Variants in AGAP1 observed in about 807,000 individuals in gnomAD.
The protein encoded by AGAP1 is ArfGAP with GTPase domain, ankyrin repeat and PH domain 1, also known as arf-GAP with GTPase, ANK repeat and PH domain-containing protein 1.
Under a neutral mutation model 105.3 loss-of-function variants are expected in AGAP1, and 29 were observed. The observed-to-expected ratio is 0.28, with a 90% CI of 0.21 to 0.38. The LOEUF is 0.38. AGAP1 is among the 10% of genes least tolerant of loss of function. The pLI, the probability that AGAP1 is intolerant of heterozygous loss-of-function variation, is 1.00. For missense variants in AGAP1, 998 were observed against 1,165.1 expected, an observed-to-expected ratio of 0.86 and a Z score of 2.09; for synonymous variants, 509 against 485.9, an observed-to-expected ratio of 1.05 and a Z score of -0.63.
intron 11 of AGAP1, among the ~76,000 whole-genome samples, chr2:235,912,747 T>A (rs916409165): frequency 6.6e-6 from 1 of 152,244 alleles, no homozygotes; most frequent in Non-Finnish European, 1.5e-5. Flanking sequence ...ATGAAAACTC[T>A]TCCCATCCAT....
At chr2:235,974,065 G>T (rs114715296) in intron 13 of AGAP1, among the ~76,000 whole-genome samples, 1 of 152,308 alleles carries the variant, frequency 6.6e-6, no homozygotes, top group African/African-American at 2.4e-5. Context: ...CCCCGAACCT[G>T]GTGGTTCTCG....
chr2:235,560,138 G>C (rs891386717), intron 1 of AGAP1, among the ~76,000 whole-genome samples: 1 of 152,076 alleles, frequency 6.6e-6, no homozygotes, highest in Non-Finnish European at 1.5e-5. Context: ...TTAGGTCTTT[G>C]ATTTTGAGTT....
In AGAP1 at chr2:235,614,529, G is replaced by T. The variant is rs964378893; in HGVS notation, c.164-94650G>T. Among the ~76,000 whole-genome samples the T allele has an allele frequency of 6.6e-6, 1 of 152,194 alleles. No individual in the cohort carries two copies. The highest frequency in any genetic ancestry group is 2.4e-5 in the African/African-American group (1 of 41,448). On this transcript the variant is annotated intron_variant, in intron 1 of 17. Coordinates refer to ENST00000304032, the MANE Select transcript of AGAP1 (RefSeq NM_001037131.3). The surrounding 1 kb of genome is among the most constrained non-coding windows in gnomAD (Gnocchi z 4.7). ...CGAGGGGTGGGGGCTTTGCTCTTTAGCCCGTGAGCAGTGGAAAGTCATTGA... is the reference window on the plus strand; with the variant it reads ...CGAGGGGTGGGGGCTTTGCTCTTTATCCCGTGAGCAGTGGAAAGTCATTGA...
At chr2:235,836,138 ATT>A (rs1960126471) in intron 9 of AGAP1, among the ~76,000 whole-genome samples, 1 of 152,184 alleles carries the variant, frequency 6.6e-6, no homozygotes, top group African/African-American at 2.4e-5. Flanking sequence ...TAACAAATTG[ATT>A]TACATAGTGG....
chr2:235,770,154 G>A (rs1955318975), intron 6 of AGAP1, among the ~76,000 whole-genome samples: 1 of 94,064 alleles, frequency 1.1e-5, no homozygotes, highest in African/African-American at 3.1e-5. Flanking sequence ...TTGAGACGGA[G>A]TCTCACTGTA....
rs1329738051 is a variant in AGAP1 at position 235,832,864 on chromosome 2, G to A, written c.1050+25533G>A. ...TACCATGTGTGTGAGAGAGAGGGTG[G>A]GAGAGCCTAGCTGCCAGAAGGAGGC... is the stretch of plus-strand genomic sequence containing the variant. On this transcript the variant is annotated intron_variant, in intron 9 of 17. Coordinates refer to ENST00000304032, the MANE Select transcript of AGAP1 (RefSeq NM_001037131.3). Among the ~76,000 whole-genome samples, 5 of 152,194 alleles carry A rather than the reference G, an allele frequency of 3.3e-5. No individual in the cohort carries two copies. In the East Asian group the frequency reaches 9.6e-4, roughly 29 times the overall value.
At position 235,494,666 on chromosome 2, in the gene AGAP1, T is replaced by C. The variant is rs1304610573; in HGVS notation, c.-21T>C. 3.6e-5 allele frequency: 38 copies of C among 1,065,888 alleles called. No individual in the cohort carries two copies. Among genetic ancestry groups the C allele is most frequent in the Non-Finnish European group, 4.6e-5 (38 of 827,356 alleles). The allele number at this position is 1,065,888 out of a possible 1,614,324, so 66.0% of individuals were successfully genotyped here. ...GCGGCGGCGGCGGGGGGCGCGCGGC[T>C]CCGGGCGCGGCGCCTGCACCATGAA... On this transcript the variant is annotated 5_prime_UTR_variant, in exon 1 of 18. Transcript: ENST00000304032.
rs915989901 is a variant in AGAP1 at position 235,741,176 on chromosome 2, C to T, written c.396+128C>T. ...GTGGAAACCCCATAAAAAATGTTTC[C>T]TCTCACTGCATTTTTTTCTCATCTC... On this transcript the variant is annotated intron_variant, in intron 4 of 17. Coordinates refer to ENST00000304032, the MANE Select transcript of AGAP1 (RefSeq NM_001037131.3). This position sits in a 1 kb window ranked among gnomAD's most constrained non-coding sequence, Gnocchi z 4.9. 3.0e-6 allele frequency: 2 copies of T among 667,992 alleles called. No homozygotes were observed. Among genetic ancestry groups the T allele is most frequent in the Non-Finnish European group, 4.7e-6 (2 of 426,550 alleles). 41.4% of individuals were successfully genotyped at this position (667,992 alleles called of 1,614,324 possible).
At position 236,124,624 on chromosome 2, in the gene AGAP1, A is replaced by G. The variant is rs906885119; in HGVS notation, c.*502A>G. On this transcript the variant is annotated 3_prime_UTR_variant, in exon 18 of 18. Transcript: ENST00000304032. This position sits in a 1 kb window ranked among gnomAD's most constrained non-coding sequence, Gnocchi z 5.1. ...AGAGTTTGTCAGGTTTGAAGCCCCT[A>G]TGATGGTGTGTGTCAAATCAGTTGT... The G allele has an allele frequency of 3.2e-5, 6 of 189,454 alleles. No homozygotes were observed. Among genetic ancestry groups the G allele is most frequent in the African/African-American group, 9.5e-5 (4 of 42,324 alleles). The allele number at this position is 189,454 out of a possible 1,614,324, so 11.7% of individuals were successfully genotyped here. A position where few individuals can be genotyped will look rare whatever the true frequency, so the allele number is the denominator to read the frequency against.
Position 235,866,993 on chromosome 2 carries a change from G to A in AGAP1, c.1051-16352G>A, listed in dbSNP as rs2049200893. ...TCTGAATTAGGGAGTGGAGCACAAT[G>A]CAGCCCATAATAGTCATCGTCTAAG... On this transcript the variant is annotated intron_variant, in intron 9 of 17. Coordinates refer to ENST00000304032, the MANE Select transcript of AGAP1 (RefSeq NM_001037131.3). The surrounding 1 kb of genome is among the most constrained non-coding windows in gnomAD (Gnocchi z 6.1). 6.6e-6 allele frequency among the ~76,000 whole-genome samples: 1 copy of A among 152,200 alleles called. No individual in the cohort carries two copies. The highest frequency in any genetic ancestry group is 6.5e-5 in the Admixed American group (1 of 15,284).
chr2:235,895,750 A>ATGG (rs1403050664), intron 10 of AGAP1, among the ~76,000 whole-genome samples: 16,341 of 82,962 alleles, frequency 0.2, 1,112 homozygotes, highest in Admixed American at 0.27. Context: ...TGGATGGATG[A>ATGG]ATGGAGGCAC....
At position 235,793,255 on chromosome 2, in the gene AGAP1, G is replaced by A. The variant is rs1324375106; in HGVS notation, c.674-4504G>A. ...ATCCCCGGGCTTTCCAGAAGGCCTG[G>A]CTGGGAATGGGGCGTGGCACACGGT... On this transcript the variant is annotated intron_variant, in intron 6 of 17. Transcript: ENST00000304032. The surrounding 1 kb of genome is among the most constrained non-coding windows in gnomAD (Gnocchi z 5.3). Among the ~76,000 whole-genome samples, 1 of 152,206 alleles carries A rather than the reference G, an allele frequency of 6.6e-6. No homozygotes were observed. Among genetic ancestry groups the A allele is most frequent in the African/African-American group, 2.4e-5 (1 of 41,470 alleles).
In AGAP1 at chr2:236,036,662, A is replaced by C. The variant is rs2057391479; in HGVS notation, c.1747A>C (p.Ile583Leu). The change falls in exon 14 of 18, where the codon ATC (isoleucine) becomes CTC (leucine). Residue 583 changes from isoleucine to leucine, a missense_variant. Around this residue, in one of 3 missense-constraint regions of AGAP1, gnomAD observed 735 missense variants for 833.4 expected, o/e 0.88. Coordinates refer to ENST00000304032, the MANE Select transcript of AGAP1 (RefSeq NM_001037131.3). This position sits in a 1 kb window ranked among gnomAD's most constrained non-coding sequence, Gnocchi z 5.7. ...YEERDAWVQA[I>L]ESQILASLQS... ...GGAGCGGGACGCCTGGGTCCAAGCC[A>C]TCGAGAGCCAGATCCTGGCCAGCCT... is the stretch of plus-strand genomic sequence containing the variant. The C allele has an allele frequency of 4.3e-6, 7 of 1,614,114 alleles. No homozygotes were observed. Among genetic ancestry groups the C allele is most frequent in the African/African-American group, 1.3e-5 (1 of 74,946 alleles).
At position 236,056,511 on chromosome 2, in the gene AGAP1, G is replaced by A. The variant is rs959435277; in HGVS notation, c.2114+7230G>A. On this transcript the variant is annotated intron_variant, in intron 16 of 17. Transcript: ENST00000304032. The surrounding 1 kb of genome is among the most constrained non-coding windows in gnomAD (Gnocchi z 4.6). Reference sequence around the variant, plus strand: ...CGTTCAAGCCTGTGTCTACTTGTGGGAGTGTATGAAGGAATGGAATGGGAA... The same window carrying A: ...CGTTCAAGCCTGTGTCTACTTGTGGAAGTGTATGAAGGAATGGAATGGGAA... 2.6e-5 allele frequency among the ~76,000 whole-genome samples: 4 copies of A among 152,204 alleles called. No individual in the cohort carries two copies. Among genetic ancestry groups the A allele is most frequent in the Admixed American group, 2.6e-4 (4 of 15,282 alleles).
At position 235,872,776 on chromosome 2, in the gene AGAP1, C is replaced by T. The variant is rs920070365; in HGVS notation, c.1051-10569C>T. ...AAAGCGACGGGCCCCCTGTCTTCCCCGATTGGTTTCCATTTAGCTGCTGCA... is the reference window on the plus strand; with the variant it reads ...AAAGCGACGGGCCCCCTGTCTTCCCTGATTGGTTTCCATTTAGCTGCTGCA... On this transcript the variant is annotated intron_variant, in intron 9 of 17. Transcript: ENST00000304032. The surrounding 1 kb of genome is among the most constrained non-coding windows in gnomAD (Gnocchi z 4.5). Among the ~76,000 whole-genome samples the T allele has an allele frequency of 3.3e-5, 5 of 152,162 alleles. No individual in the cohort carries two copies. Among genetic ancestry groups the T allele is most frequent in the East Asian group, 1.9e-4 (1 of 5,190 alleles).
chr2:236,082,553 G>A lies in AGAP1; in HGVS notation c.2114+33272G>A, dbSNP rs10178232. Among the ~76,000 whole-genome samples, 1,574 of 152,332 alleles carry A rather than the reference G, an allele frequency of 0.01. 18 individuals carry two copies. Among genetic ancestry groups the A allele is most frequent in the African/African-American group, 0.036 (1,509 of 41,572 alleles). Reference sequence around the variant, plus strand: ...AGGGGCAAACAGCTCACCTGCAGTGGTGATTGGTTTACAAAATTCACCTAG... The same window carrying A: ...AGGGGCAAACAGCTCACCTGCAGTGATGATTGGTTTACAAAATTCACCTAG... On this transcript the variant is annotated intron_variant, in intron 16 of 17. Transcript: ENST00000304032. This position sits in a 1 kb window ranked among gnomAD's most constrained non-coding sequence, Gnocchi z 4.2.
rs2057673000 is a variant in AGAP1 at position 236,044,973 on chromosome 2, A to G, written c.1892-4086A>G. 6.6e-6 allele frequency among the ~76,000 whole-genome samples: 1 copy of G among 152,158 alleles called. No individual in the cohort carries two copies. The highest frequency in any genetic ancestry group is 2.1e-4 in the South Asian group (1 of 4,826). ...CTCGGGGCCTGTCCATGATTGCAGC[A>G]GTGCAATCATGGCTCACTGCAGCCT... On this transcript the variant is annotated intron_variant, in intron 15 of 17. Transcript: ENST00000304032. The surrounding 1 kb of genome is among the most constrained non-coding windows in gnomAD (Gnocchi z 5.7).
At position 235,623,418 on chromosome 2, in the gene AGAP1, C is replaced by T. The variant is rs1227083646; in HGVS notation, c.164-85761C>T. Among the ~76,000 whole-genome samples the T allele has an allele frequency of 1.3e-5, 2 of 152,212 alleles. No individual in the cohort carries two copies. The highest frequency in any genetic ancestry group is 4.8e-5 in the African/African-American group (2 of 41,458). On this transcript the variant is annotated intron_variant, in intron 1 of 17. Transcript: ENST00000304032. This position sits in a 1 kb window ranked among gnomAD's most constrained non-coding sequence, Gnocchi z 4.5. Reference sequence around the variant, plus strand: ...GGAGATGGTGGGTTATTAGACTTCACTTGGTCTGCACGTGGTGGCTTTGGG... The same window carrying T: ...GGAGATGGTGGGTTATTAGACTTCATTTGGTCTGCACGTGGTGGCTTTGGG...
intron 9 of AGAP1, among the ~76,000 whole-genome samples, chr2:235,854,207 G>C (rs4625852): frequency 2.6e-5 from 4 of 151,962 alleles, no homozygotes; most frequent in African/African-American, 9.7e-5. Flanking sequence ...TTTGAAAACC[G>C]GTGATCAAGT....
Sources: gnomAD v4.1 joint callset for allele counts (sites outside exome capture counted in the v4.1 genomes callset) on GRCh38, gnomAD v4.1.1 for gene constraint, gnomAD v4.1.1 regional missense constraint, Gnocchi (gnomAD v3.1) non-coding constraint, MANE v1.5 for transcripts, NCBI Gene and HGNC (gene_info 2026-07-23, HGNC 2026-07-21) for gene names.